The following TRA2B variants were observed in gnomAD, a reference collection of about 807,000 sequenced individuals.
TRA2B encodes transformer-2 protein homolog beta.
In TRA2B, 14 loss-of-function variants were observed where a neutral mutation model predicts 41.7. The ratio of observed to expected loss-of-function variants is 0.34; its 90% CI spans 0.22 to 0.53. The LOEUF is 0.53. Ranked by LOEUF, TRA2B falls within the 20% of genes least tolerant of loss-of-function variation. The probability of loss-of-function intolerance (pLI) is 0.95; values close to 1 mark genes in which losing one functional copy is unlikely to be tolerated. For synonymous variants in TRA2B, 130 were observed against 128.8 expected, an observed-to-expected ratio of 1.01 and a Z score of -0.06; for missense variants, 167 against 396.8, an observed-to-expected ratio of 0.42 and a Z score of 4.92.
intron 8 of TRA2B, 149 bp from the exon 9 acceptor site, chr3:185,917,874 A>G: frequency 2.8e-6 from 2 of 720,514 alleles, no homozygotes; most frequent in South Asian, 1.8e-5. Flanking sequence ...ACTTCCATGT[A>G]AGTATTACAC....
intron 1 of TRA2B, chr3:185,934,892 C>CA (rs1311754661): frequency 2.0e-6 from 2 of 985,294 alleles, no homozygotes; most frequent in Non-Finnish European, 2.4e-6. Flanking sequence ...AGTATTCTAT[C>CA]AGAGTATCTG....
chr3:185,914,694 A>G lies in TRA2B; in HGVS notation c.*3021T>C, dbSNP rs1743442984. On this transcript the variant is annotated 3_prime_UTR_variant, in exon 9 of 9. Transcript: ENST00000453386. ...TGACATTTGGCATAAGCTAGCATTA[A>G]GTCCAATCCTACAAGAGCCAATCAA... Among the ~76,000 whole-genome samples the G allele has an allele frequency of 6.6e-6, 1 of 152,190 alleles. No individual in the cohort carries two copies. Among genetic ancestry groups the G allele is most frequent in the African/African-American group, 2.4e-5 (1 of 41,450 alleles).
In TRA2B at chr3:185,917,722, C is replaced by A; in HGVS notation, c.860G>T (p.Arg287Leu). ...TCAGAAAGTCTTCATGCTTTAATAG[C>A]GACCTGGGAAGAAAAGAATGAACAT... ...RSRSRSYSPRRY is the reference protein window; with the variant it reads ...RSRSRSYSPRLY Residue 287 changes from arginine to leucine, a missense_variant, in exon 9 of 9, where the codon CGC becomes CTC. Around this residue, in one of 5 missense-constraint regions of TRA2B, gnomAD observed 30 missense variants for 46.7 expected, o/e 0.64. Coordinates refer to ENST00000453386, the MANE Select transcript of TRA2B (RefSeq NM_004593.3). 1 of 1,612,908 alleles carries A rather than the reference C, an allele frequency of 6.2e-7. No homozygotes were observed. The highest frequency in any genetic ancestry group is 1.7e-5 in the Admixed American group (1 of 59,922).
intron 7 of TRA2B, among the ~76,000 whole-genome samples, chr3:185,918,882 T>C (rs1236244985): frequency 6.6e-6 from 1 of 152,018 alleles, no homozygotes; most frequent in African/African-American, 2.4e-5. Context: ...GGTGCATGCT[T>C]GTAATCCCAG....
intron 5 of TRA2B, among the ~76,000 whole-genome samples, chr3:185,921,559 T>C (rs181296476): frequency 6.6e-6 from 1 of 152,222 alleles, no homozygotes; most frequent in East Asian, 1.9e-4. Context: ...GGTCAGGAGA[T>C]CGAGAACATC....
At chr3:185,936,348 G>A (rs1744354815) in intron 1 of TRA2B, 2 of 985,238 alleles carry the variant, frequency 2.0e-6, no homozygotes, top group Non-Finnish European at 2.4e-6. Context: ...ACCCAAGAAA[G>A]CAAGAACTTA....
intron 1 of TRA2B, chr3:185,937,136 G>A (rs2251407): frequency 0.089 from 87,788 of 985,196 alleles, 5,247 homozygotes; most frequent in South Asian, 0.33. Context: ...AAGCCCTTTC[G>A]GCATCAGAGA....
chr3:185,934,060 T>G (rs1266470519), intron 1 of TRA2B, among the ~76,000 whole-genome samples: 1 of 152,196 alleles, frequency 6.6e-6, no homozygotes, highest in Non-Finnish European at 1.5e-5. Context: ...GAACTTCTTT[T>G]GGTTTGCAGT....
rs375395032 is a variant in TRA2B at position 185,926,567 on chromosome 3, A to G, written c.170+34T>C. The G allele has an allele frequency of 9.4e-5, 151 of 1,611,988 alleles. 1 individual carries two copies. The African/African-American group carries it at 1.9e-3, about 20-fold the overall frequency. ...AACACGCACCAATTTCAGAGCTAAG[A>G]GTAACGAGGAAATCTCAAGACAGTC... On this transcript the variant is annotated intron_variant, in intron 2 of 8. Transcript: ENST00000453386.
chr3:185,920,000 T>C lies in TRA2B; in HGVS notation c.723-504A>G, dbSNP rs577940940. Among the ~76,000 whole-genome samples, 9 of 152,300 alleles carry C rather than the reference T, an allele frequency of 5.9e-5. No homozygotes were observed. The East Asian group carries it at 1.7e-3, about 29-fold the overall frequency. On this transcript the variant is annotated intron_variant, in intron 6 of 8. Coordinates refer to ENST00000453386, the MANE Select transcript of TRA2B (RefSeq NM_004593.3). ...ATTATTTGACTTGTCAAATTACACA[T>C]TTTGACAAGGGAGGACCAAAATGTC... is the stretch of plus-strand genomic sequence containing the variant.
intron 5 of TRA2B, 25 bp downstream of exon 5, chr3:185,921,986 A>G (rs774628176): frequency 4.1e-5 from 64 of 1,559,868 alleles, no homozygotes; most frequent in Non-Finnish European, 5.5e-5. Context: ...ACTGCCAATT[A>G]TATTTATTTT....
chr3:185,932,647 G>C (rs1456052280), intron 1 of TRA2B, among the ~76,000 whole-genome samples: 2 of 152,114 alleles, frequency 1.3e-5, no homozygotes, highest in African/African-American at 2.4e-5. Context: ...ACTTTAAAAG[G>C]TGGCACTATT....
intron 1 of TRA2B, chr3:185,928,300 C>A (rs573412877): frequency 6.6e-6 from 1 of 152,138 alleles, no homozygotes; most frequent in African/African-American, 2.4e-5. Context: ...AGGCCCCAGA[C>A]GACTCTAGAA....
intron 4 of TRA2B, 135 bp from the exon 5 acceptor site, chr3:185,922,261 T>C: frequency 1.9e-6 from 1 of 523,552 alleles, no homozygotes; most frequent in Non-Finnish European, 3.4e-6. Context: ...ACGTAAGGTC[T>C]ACAACTTACA....
In TRA2B at chr3:185,937,891, C is replaced by A. The variant is rs762291620; in HGVS notation, c.-31G>T. 2 of 1,613,494 alleles carry A rather than the reference C, an allele frequency of 1.2e-6. No homozygotes were observed. The highest frequency in any genetic ancestry group is 2.7e-5 in the African/African-American group (2 of 75,068). ...CTGGCTGCTGTCGCCGGTCGATGTG[C>A]TTCAATCGAAGCTGCCAACCTCTTG... On this transcript the variant is annotated 5_prime_UTR_variant, in exon 1 of 9. Transcript: ENST00000453386.
intron 1 of TRA2B, among the ~76,000 whole-genome samples, chr3:185,933,984 C>A (rs1290769571): frequency 1.3e-5 from 2 of 152,104 alleles, no homozygotes; most frequent in African/African-American, 4.8e-5. Flanking sequence ...CTCAATGTAA[C>A]CTCCAAAACC....
At chr3:185,934,836 T>A in intron 1 of TRA2B, 1 of 985,436 alleles carries the variant, frequency 1.0e-6, no homozygotes, top group Middle Eastern at 5.2e-4. Context: ...TGATAAAGAT[T>A]ACGTGCCTAT....
chr3:185,921,986 ATATT>A, intron 5 of TRA2B, 21 bp downstream of exon 5: 1 of 1,559,990 alleles, frequency 6.4e-7, no homozygotes. Context: ...ACTGCCAATT[ATATT>A]TATTTTGAAA....
rs1368055262 is a variant in TRA2B, at chr3:185,937,982, C to G, written c.-122G>C. ...CGCCGGTCGCCCAGCCGCTCAGAGC[C>G]GAAATGCTCCGCACCGCCTCCGCAC... On this transcript the variant is annotated 5_prime_UTR_variant, in exon 1 of 9. Transcript: ENST00000453386. 4.3e-6 allele frequency: 5 copies of G among 1,162,620 alleles called. No homozygotes were observed. Among genetic ancestry groups the G allele is most frequent in the Non-Finnish European group, 6.2e-6 (5 of 803,838 alleles). 72.0% of individuals were successfully genotyped at this position (1,162,620 alleles called of 1,614,324 possible). A position where few individuals can be genotyped will look rare whatever the true frequency, so the allele number is the denominator to read the frequency against.
Sources: gnomAD v4.1 joint callset for allele counts (sites outside exome capture counted in the v4.1 genomes callset) on GRCh38, gnomAD v4.1.1 for gene constraint, gnomAD v4.1.1 regional missense constraint, MANE v1.5 for transcripts, NCBI Gene and HGNC (gene_info 2026-07-23, HGNC 2026-07-21) for gene names.